The following SDK1 variants were observed in gnomAD, a reference collection of about 807,000 sequenced individuals.
The protein encoded by SDK1 is sidekick cell adhesion molecule 1, also known as protein sidekick-1.
In SDK1, 157 loss-of-function variants were observed where a neutral mutation model predicts 245.5. That is an observed-to-expected ratio of 0.64 (90% confidence interval 0.56 to 0.73). The LOEUF is 0.73. Among genes scored for constraint, SDK1 ranks in the 30% least tolerant of loss-of-function variants. SDK1 has a pLI of 0.00. For synonymous variants in SDK1, 1,647 were observed against 1,278.5 expected (o/e 1.29, Z -6.15); for missense variants, 3,583 against 3,002.3 (o/e 1.19, Z -4.52).
intron 4 of SDK1, among the ~76,000 whole-genome samples, chr7:3,802,993 T>C (rs75537007): frequency 6.6e-6 from 1 of 152,226 alleles, no homozygotes; most frequent in Non-Finnish European, 1.5e-5. Context: ...CGTTCAGGAT[T>C]ATAATCGGTG....
At chr7:3,802,324 G>C (rs952526641) in intron 4 of SDK1, among the ~76,000 whole-genome samples, 2 of 152,058 alleles carry the variant, frequency 1.3e-5, no homozygotes, top group Admixed American at 6.5e-5. Context: ...GGAAGTTCAA[G>C]ACCGGCCTGG....
intron 4 of SDK1, among the ~76,000 whole-genome samples, chr7:3,754,940 C>T (rs956432176): frequency 1.3e-5 from 2 of 152,210 alleles, no homozygotes; most frequent in African/African-American, 4.8e-5. Flanking sequence ...TCTTACATTA[C>T]TGATTACGTC....
At chr7:4,157,189 G>C (rs915460211) in intron 30 of SDK1, among the ~76,000 whole-genome samples, 5 of 152,042 alleles carry the variant, frequency 3.3e-5, no homozygotes, top group African/African-American at 9.7e-5. Flanking sequence ...TGAAGTCTTA[G>C]TCTCAGGCAT....
intron 35 of SDK1, among the ~76,000 whole-genome samples, chr7:4,195,731 G>T (rs1310291058): frequency 2.0e-5 from 3 of 152,182 alleles, no homozygotes; most frequent in Non-Finnish European, 4.4e-5. Flanking sequence ...CTCCTTGCCT[G>T]CAGGGCTGCA....
chr7:3,848,564 C>A (rs545989808), intron 5 of SDK1, among the ~76,000 whole-genome samples: 1 of 152,172 alleles, frequency 6.6e-6, no homozygotes, highest in Non-Finnish European at 1.5e-5. Flanking sequence ...TCCCTTAAAA[C>A]TGCCTGTGTT....
chr7:4,177,393 C>A (rs906069528), intron 34 of SDK1, among the ~76,000 whole-genome samples: 1 of 152,228 alleles, frequency 6.6e-6, no homozygotes, highest in Non-Finnish European at 1.5e-5. Flanking sequence ...ATTATTCTCA[C>A]CCTGTCACTT....
intron 5 of SDK1, among the ~76,000 whole-genome samples, chr7:3,877,233 G>A (rs897739673): frequency 1.3e-5 from 2 of 152,138 alleles, no homozygotes; most frequent in African/African-American, 4.8e-5. Flanking sequence ...CGTTGCCCCT[G>A]TTTTTTCCAT....
At chr7:3,637,708 A>G (rs1304989661) in intron 2 of SDK1, among the ~76,000 whole-genome samples, 2 of 152,236 alleles carry the variant, frequency 1.3e-5, no homozygotes, top group Non-Finnish European at 2.9e-5. Flanking sequence ...CATGGATTTG[A>G]AGGATGATTA....
intron 4 of SDK1, among the ~76,000 whole-genome samples, chr7:3,733,007 TG>T (rs1437803712): frequency 6.6e-6 from 1 of 152,204 alleles, no homozygotes; most frequent in Non-Finnish European, 1.5e-5. Context: ...TTTCCGTTTT[TG>T]TCAGTTGTCT....
chr7:4,017,294 C>A lies in SDK1; in HGVS notation c.2544C>A (p.Tyr848Ter). Residue 848 changes from tyrosine to a stop codon, truncating the protein, a stop_gained, in exon 17 of 45, where the codon TAC becomes TAA. Transcript: ENST00000404826. LOFTEE classifies it high-confidence loss of function. ...WTQYEIQVAA[Y>*]NGAGLGVFSR... ...AGTATGAGATACAGGTGGCGGCGTA[C>A]AACGGGGCCGGTCTGGGCGTCTTCA... 1 of 1,613,986 alleles carries A rather than the reference C, an allele frequency of 6.2e-7. No individual in the cohort carries two copies. The highest frequency in any genetic ancestry group is 8.5e-7 in the Non-Finnish European group (1 of 1,179,910).
intron 1 of SDK1, among the ~76,000 whole-genome samples, chr7:3,333,729 G>T (rs1187640856): frequency 6.6e-6 from 1 of 152,172 alleles, no homozygotes; most frequent in Admixed American, 6.5e-5. Context: ...ATTGGTCAGG[G>T]TTCGATTATC....
At chr7:3,952,162 C>T (rs1404169063) in intron 7 of SDK1, 2 of 518,482 alleles carry the variant, frequency 3.9e-6, no homozygotes, top group Non-Finnish European at 6.7e-6. Flanking sequence ...ACTCCAGTCA[C>T]AAAGCTCGGG....
At position 4,194,643 on chromosome 7, in the gene SDK1, G is replaced by A. The variant is rs1783477234; in HGVS notation, c.5099-11236G>A. On this transcript the variant is annotated intron_variant, in intron 35 of 44. Coordinates refer to ENST00000404826, the MANE Select transcript of SDK1 (RefSeq NM_152744.4). The stretch of plus-strand genomic sequence containing the variant: ...AAGGCAGGAAGCTTCCAGTATGGGA[G>A]AAGGATGTAGGCTGGGAGGCTAGGC... Among the ~76,000 whole-genome samples, 3 of 152,288 alleles carry A rather than the reference G, an allele frequency of 2.0e-5. No homozygotes were observed. The East Asian group carries it at 5.8e-4, about 29-fold the overall frequency.
intron 4 of SDK1, among the ~76,000 whole-genome samples, chr7:3,709,284 T>A (rs1173023700): frequency 1.3e-5 from 2 of 152,232 alleles, no homozygotes; most frequent in Non-Finnish European, 2.9e-5. Context: ...CCTTTGGGCT[T>A]GTAAGGTTTC....
In SDK1 at chr7:3,320,947, T is replaced by G. The variant is rs1183330039; in HGVS notation, c.298+19063T>G. On this transcript the variant is annotated intron_variant, in intron 1 of 44. Coordinates refer to ENST00000404826, the MANE Select transcript of SDK1 (RefSeq NM_152744.4). ...AGCAGTCTTAATTTAAACCTTGTGC[T>G]TGACAAAAATTGAATGTTGCCTGTA... 2.0e-5 allele frequency among the ~76,000 whole-genome samples: 3 copies of G among 152,190 alleles called. No homozygotes were observed. In the East Asian group the frequency reaches 5.8e-4, roughly 29 times the overall value.
At chr7:3,596,568 C>T (rs939534155) in intron 1 of SDK1, among the ~76,000 whole-genome samples, 8 of 152,202 alleles carry the variant, frequency 5.3e-5, no homozygotes, top group African/African-American at 1.9e-4. Context: ...TCCAGATGAA[C>T]GTCTCCATCA....
intron 5 of SDK1, among the ~76,000 whole-genome samples, chr7:3,893,942 T>C (rs1781527440): frequency 1.3e-5 from 2 of 152,216 alleles, no homozygotes; most frequent in South Asian, 4.1e-4. Context: ...GAAGTTCATC[T>C]GAACTGCCTG....
intron 4 of SDK1, among the ~76,000 whole-genome samples, chr7:3,668,141 G>C (rs28684473): frequency 0.37 from 56,153 of 152,036 alleles, 11,352 homozygotes; most frequent in African/African-American, 0.53. Flanking sequence ...TTCTCATTAT[G>C]TTTTACTGCT....
intron 38 of SDK1, among the ~76,000 whole-genome samples, chr7:4,210,722 G>A (rs770862736): frequency 5.3e-5 from 8 of 152,200 alleles, no homozygotes; most frequent in Non-Finnish European, 1.2e-4. Context: ...TGGAATCGAG[G>A]ACCTGGGAAA....
Sources: gnomAD v4.1 joint callset for allele counts (sites outside exome capture counted in the v4.1 genomes callset) on GRCh38, gnomAD v4.1.1 for gene constraint, MANE v1.5 for transcripts, NCBI Gene and HGNC (gene_info 2026-07-23, HGNC 2026-07-21) for gene names.